The following TAF5L variants were observed in gnomAD, a reference collection of about 807,000 sequenced individuals.
The protein encoded by TAF5L is TAF5-like RNA polymerase II p300/CBP-associated factor-associated factor 65 kDa subunit 5L.
Under a neutral mutation model 51.3 loss-of-function variants are expected in TAF5L, and 7 were observed. That is an observed-to-expected ratio of 0.14 (90% confidence interval 0.08 to 0.26). TAF5L has a LOEUF of 0.26. Among genes scored for constraint, TAF5L ranks in the 10% least tolerant of loss-of-function variants. The probability of loss-of-function intolerance (pLI) is 1.00; values close to 1 mark genes in which losing one functional copy is unlikely to be tolerated. For missense variants in TAF5L, 575 were observed against 758.9 expected, an observed-to-expected ratio of 0.76 and a Z score of 2.85; for synonymous variants, 291 against 308.1, an observed-to-expected ratio of 0.94 and a Z score of 0.58.
intron 1 of TAF5L, among the ~76,000 whole-genome samples, chr1:229,623,644 C>T (rs563206844): frequency 6.6e-6 from 1 of 152,354 alleles, no homozygotes; most frequent in South Asian, 2.1e-4. Context: ...CTGTTTCATA[C>T]ACTACCACTA....
chr1:229,625,944 T>G lies in TAF5L; in HGVS notation c.-63A>C, dbSNP rs1665445902. The stretch of plus-strand genomic sequence containing the variant: ...CCGCCGCCTCCGGGATCGGGTTGCT[T>G]CCGCCTCCGTCGTCTCTGCCGCAGG... On this transcript the variant is annotated 5_prime_UTR_variant, in exon 1 of 5. Coordinates refer to ENST00000258281, the Ensembl canonical transcript of TAF5L. The surrounding 1 kb of genome is among the most constrained non-coding windows in gnomAD (Gnocchi z 4.0). 1 of 143,078 alleles carries G rather than the reference T, an allele frequency of 7.0e-6. No individual in the cohort carries two copies. Among genetic ancestry groups the G allele is most frequent in the Non-Finnish European group, 1.5e-5 (1 of 64,672 alleles). The allele number at this position is 143,078 out of a possible 1,614,324, so 8.9% of individuals were successfully genotyped here.
chr1:229,622,919 C>T (rs1452199014), intron 1 of TAF5L, among the ~76,000 whole-genome samples: 5 of 152,316 alleles, frequency 3.3e-5, no homozygotes, highest in Non-Finnish European at 7.4e-5. Context: ...AAACATAATA[C>T]TATACTACTA....
In TAF5L at chr1:229,620,585, C is replaced by A. The variant is rs1178421415; in HGVS notation, c.-4+5300G>T. Among the ~76,000 whole-genome samples the A allele has an allele frequency of 2.6e-5, 4 of 152,206 alleles. No individual in the cohort carries two copies. The South Asian group carries it at 8.3e-4, about 32-fold the overall frequency. ...GAGGACAGGCCTTATCTTTGAAACT[C>A]ATCATAAAAATAACGTGAGTGCTAT... On this transcript the variant is annotated intron_variant, in intron 1 of 4. Transcript: ENST00000258281.
chr1:229,603,447 GTTTTGTGATTAC>G (rs1664465259), intron 3 of TAF5L, among the ~76,000 whole-genome samples: 1 of 152,192 alleles, frequency 6.6e-6, no homozygotes, highest in Non-Finnish European at 1.5e-5. Flanking sequence ...TCTAGTTTGT[GTTTTGTGATTAC>G]TTTTGGCATC....
At chr1:229,609,269 A>G (rs1664707569) in intron 3 of TAF5L, among the ~76,000 whole-genome samples, 1 of 152,226 alleles carries the variant, frequency 6.6e-6, no homozygotes, top group Non-Finnish European at 1.5e-5. Flanking sequence ...TATTTCTATT[A>G]TGAGTGACAC....
intron 4 of TAF5L, among the ~76,000 whole-genome samples, chr1:229,596,449 T>C (rs1664130250): frequency 2.0e-5 from 3 of 152,144 alleles, no homozygotes; most frequent in Admixed American, 1.3e-4. Flanking sequence ...TGTTTCAAAA[T>C]AAATAAGAAT....
In TAF5L at chr1:229,610,861, T is replaced by C. The variant is rs543142543; in HGVS notation, c.143-651A>G. ...CTATCATGTATCTAATTGGTAACTT[T>C]TTTCATTCTCAACATTCTCTTTTCC... On this transcript the variant is annotated intron_variant, in intron 2 of 4. Transcript: ENST00000258281. 1.5e-4 allele frequency among the ~76,000 whole-genome samples: 23 copies of C among 152,336 alleles called. No homozygotes were observed. The South Asian group carries it at 4.8e-3, about 32-fold the overall frequency.
chr1:229,614,230 A>C (rs1342744008), intron 2 of TAF5L, 111 bp downstream of exon 2: 1 of 1,589,492 alleles, frequency 6.3e-7, no homozygotes, highest in East Asian at 2.2e-5. Context: ...GTTTTTGGTC[A>C]GTCTGCTCTC....
intron 2 of TAF5L, among the ~76,000 whole-genome samples, chr1:229,610,664 G>A (rs895003585): frequency 6.6e-6 from 1 of 152,070 alleles, no homozygotes; most frequent in Non-Finnish European, 1.5e-5. Context: ...TATCTTCCAA[G>A]ACTCCTACAA....
intron 1 of TAF5L, among the ~76,000 whole-genome samples, chr1:229,619,853 T>C (rs931994620): frequency 6.6e-6 from 1 of 152,168 alleles, no homozygotes; most frequent in Non-Finnish European, 1.5e-5. Context: ...CTCCCATTAC[T>C]GTCTGCCACT....
chr1:229,622,482 C>A lies in TAF5L; in HGVS notation c.-4+3403G>T, dbSNP rs145311229. 3.8e-3 allele frequency among the ~76,000 whole-genome samples: 575 copies of A among 152,212 alleles called. 4 individuals carry two copies. The highest frequency in any genetic ancestry group is 0.013 in the African/African-American group (556 of 41,506). ...TCTTCATGCTTTCTGTAAGTGCTGT[C>A]TAAGCTTTGAGATTTGGAATAAAAT... is the stretch of plus-strand genomic sequence containing the variant. On this transcript the variant is annotated intron_variant, in intron 1 of 4. Transcript: ENST00000258281.
At chr1:229,618,764 G>C (rs1258734089) in intron 1 of TAF5L, among the ~76,000 whole-genome samples, 1 of 150,958 alleles carries the variant, frequency 6.6e-6, no homozygotes, top group Admixed American at 6.6e-5. Context: ...CCCCACCCCC[G>C]TTAGGCTCTA....
At chr1:229,620,250 G>A (rs1168622945) in intron 1 of TAF5L, among the ~76,000 whole-genome samples, 1 of 152,094 alleles carries the variant, frequency 6.6e-6, no homozygotes, top group Non-Finnish European at 1.5e-5. Context: ...CTTTAGAGAA[G>A]TGGTCTGGCT....
At chr1:229,597,941 A>G (rs983855720) in intron 4 of TAF5L, among the ~76,000 whole-genome samples, 4 of 152,106 alleles carry the variant, frequency 2.6e-5, no homozygotes, top group Admixed American at 2.6e-4. Context: ...CGTTTCCCCC[A>G]GACCAGGGGT....
In TAF5L at chr1:229,594,422, C is replaced by T. The variant is rs34353010; in HGVS notation, c.1645G>A (p.Asp549Asn). The T allele has an allele frequency of 6.4e-5, 103 of 1,614,062 alleles. No homozygotes were observed. The highest frequency in any genetic ancestry group is 4.9e-4 in the Middle Eastern group (3 of 6,072). Residue 549 changes from aspartate to asparagine, a missense_variant, in exon 5 of 5, where the codon GAC becomes AAC. Physicochemically the swap from Asp to Asn is conservative, Grantham distance 23. This residue lies in a region of TAF5L where 91 missense variants were observed against 96.9 expected (regional missense o/e 0.94). Coordinates refer to ENST00000258281, the Ensembl canonical transcript of TAF5L. This position sits in a 1 kb window ranked among gnomAD's most constrained non-coding sequence, Gnocchi z 7.9. ...CCCACGAGCTCGCTGGAGGAGCCGTCGGCAGGTGCACTGCAGTAAGTGTTC... is the reference window on the plus strand; with the variant it reads ...CCCACGAGCTCGCTGGAGGAGCCGTTGGCAGGTGCACTGCAGTAAGTGTTC...
chr1:229,608,035 G>A (rs375091097), intron 3 of TAF5L, among the ~76,000 whole-genome samples: 1 of 152,170 alleles, frequency 6.6e-6, no homozygotes, highest in East Asian at 1.9e-4. Context: ...GAAATGTAAA[G>A]TTCTGGCCAA....
intron 3 of TAF5L, among the ~76,000 whole-genome samples, chr1:229,603,474 G>A (rs1278472828): frequency 6.6e-6 from 1 of 152,184 alleles, no homozygotes; most frequent in African/African-American, 2.4e-5. Context: ...GGCATCCATT[G>A]TCTCAAGTAA....
At chr1:229,622,094 GAT>G (rs1197049831) in intron 1 of TAF5L, among the ~76,000 whole-genome samples, 5 of 151,564 alleles carry the variant, frequency 3.3e-5, no homozygotes, top group Admixed American at 2.0e-4. Context: ...TAGATATACA[GAT>G]ATGTGTGTGT....
chr1:229,598,021 T>A (rs1664191382), intron 4 of TAF5L, among the ~76,000 whole-genome samples: 1 of 152,194 alleles, frequency 6.6e-6, no homozygotes, highest in Non-Finnish European at 1.5e-5. Flanking sequence ...AGGAAGACAT[T>A]AAATTTGGCT....
Sources: allele counts gnomAD v4.1 joint callset (sites outside exome capture counted in the v4.1 genomes callset), GRCh38; gene constraint gnomAD v4.1.1; regional missense constraint gnomAD v4.1.1; non-coding constraint Gnocchi (gnomAD v3.1); transcripts MANE v1.5; gene names NCBI Gene and HGNC (gene_info 2026-07-23, HGNC 2026-07-21).